Variants in TOP6BL observed in about 807,000 individuals in gnomAD.
TOP6BL encodes the protein type 2 DNA topoisomerase 6 subunit B-like.
chr11:66,799,648 G>T, the TOP6BL span, among the ~76,000 whole-genome samples: 1 of 151,644 alleles, frequency 6.6e-6, no homozygotes, highest in Non-Finnish European at 1.5e-5. Context: ...GGAGGCGGAG[G>T]TTGCAGTGAG....
the TOP6BL span, among the ~76,000 whole-genome samples, chr11:66,769,739 T>C: frequency 6.6e-6 from 1 of 151,574 alleles, no homozygotes; most frequent in Non-Finnish European, 1.5e-5. Context: ...TATTTACTTA[T>C]TTTTTAATTT....
At chr11:66,828,732 C>T in the TOP6BL span, 5 of 174,502 alleles carry the variant, frequency 2.9e-5, no homozygotes, top group African/African-American at 4.7e-5. Context: ...ATAAGTCAAT[C>T]GTACTGACTG....
the TOP6BL span, among the ~76,000 whole-genome samples, chr11:66,811,999 T>C: frequency 6.6e-6 from 1 of 152,018 alleles, no homozygotes; most frequent in East Asian, 1.9e-4. Context: ...AAACAATTTC[T>C]AATCCAAAAA....
At chr11:66,841,097 C>G in the TOP6BL span, among the ~76,000 whole-genome samples, 1 of 147,136 alleles carries the variant, frequency 6.8e-6, no homozygotes. Context: ...TGGATTCATT[C>G]AAGAGGCCTC....
the TOP6BL span, chr11:66,843,030 C>A: frequency 6.4e-7 from 1 of 1,555,816 alleles, no homozygotes; most frequent in Admixed American, 1.9e-5. Flanking sequence ...ACGGCAGGGC[C>A]CTGGCGCCGG....
At chr11:66,785,421 A>G in the TOP6BL span, among the ~76,000 whole-genome samples, 1 of 152,110 alleles carries the variant, frequency 6.6e-6, no homozygotes, top group Non-Finnish European at 1.5e-5. Context: ...GTATAAGTGC[A>G]TTGGTTGATG....
chr11:66,840,425 T>A, the TOP6BL span, among the ~76,000 whole-genome samples: 15 of 152,342 alleles, frequency 9.8e-5, no homozygotes, highest in Admixed American at 9.1e-4. Flanking sequence ...CCTTCTGCTT[T>A]CTTGGGACCT....
chr11:66,821,838 C>T, the TOP6BL span: 39 of 1,538,896 alleles, frequency 2.5e-5, no homozygotes, highest in East Asian at 3.5e-4. Flanking sequence ...GCAGGCAGGG[C>T]CCAGGAGCCC....
At chr11:66,835,031 G>A in the TOP6BL span, among the ~76,000 whole-genome samples, 1 of 149,896 alleles carries the variant, frequency 6.7e-6, no homozygotes, top group African/African-American at 2.5e-5. Context: ...CCGGCGGGTC[G>A]GGGGAGGGGG....
At chr11:66,819,066 A>T in the TOP6BL span, among the ~76,000 whole-genome samples, 1 of 152,230 alleles carries the variant, frequency 6.6e-6, no homozygotes, top group Non-Finnish European at 1.5e-5. Flanking sequence ...GTAGATATAG[A>T]CATAGTGATA....
At chr11:66,757,149 C>G in the TOP6BL span, among the ~76,000 whole-genome samples, 1 of 151,896 alleles carries the variant, frequency 6.6e-6, no homozygotes, top group African/African-American at 2.4e-5. Context: ...TCGAGACCAG[C>G]CCGCCCAACA....
At chr11:66,816,274 C>T in the TOP6BL span, 2 of 1,430,884 alleles carry the variant, frequency 1.4e-6, no homozygotes, top group African/African-American at 1.4e-5. Flanking sequence ...GTGTAATGCA[C>T]ACATCTAAAT....
At chr11:66,766,867 T>C in the TOP6BL span, among the ~76,000 whole-genome samples, 5 of 152,222 alleles carry the variant, frequency 3.3e-5, no homozygotes, top group African/African-American at 1.2e-4. Context: ...TAACATGGGG[T>C]TCAGTTTCTT....
chr11:66,843,306 G>A, the TOP6BL span: 1 of 1,552,660 alleles, frequency 6.4e-7, no homozygotes, highest in East Asian at 2.4e-5. Context: ...GTTTAATAAA[G>A]CTGCCGCGCG....
At chr11:66,817,155 GAAATA>G in the TOP6BL span, among the ~76,000 whole-genome samples, 116 of 151,644 alleles carry the variant, frequency 7.6e-4, 3 homozygotes, top group Admixed American at 1.8e-3. Context: ...TCTGTCTCAA[GAAATA>G]AAATAAAATA....
chr11:66,792,080 G>C, the TOP6BL span, among the ~76,000 whole-genome samples: 1 of 152,134 alleles, frequency 6.6e-6, no homozygotes, highest in Non-Finnish European at 1.5e-5. Flanking sequence ...AAAGTGCTGG[G>C]ATTACAGGCG....
chr11:66,773,577 CTGT>C, the TOP6BL span, among the ~76,000 whole-genome samples: 4 of 151,940 alleles, frequency 2.6e-5, no homozygotes, highest in African/African-American at 7.3e-5. Context: ...CAGGTTCTTC[CTGT>C]TGTTCTATTT....
the TOP6BL span, chr11:66,762,270 C>A: frequency 3.8e-5 from 19 of 498,908 alleles, no homozygotes; most frequent in Non-Finnish European, 6.9e-5. Flanking sequence ...AACTGAGCAG[C>A]CTGAAGGGCG....
the TOP6BL span, chr11:66,814,128 C>G: frequency 1.6e-6 from 2 of 1,226,342 alleles, no homozygotes; most frequent in African/African-American, 1.5e-5. Context: ...ATCTGATGGC[C>G]CAGGTTGGGG....
Sources: gnomAD v4.1 joint callset for allele counts (sites outside exome capture counted in the v4.1 genomes callset) on GRCh38, gnomAD v4.1.1 for gene constraint, MANE v1.5 for transcripts, NCBI Gene and HGNC (gene_info 2026-07-23, HGNC 2026-07-21) for gene names.